MKRN2: variants seen among roughly 807,000 people sequenced by gnomAD.
The protein encoded by MKRN2 is E3 ubiquitin-protein ligase makorin-2.
Under a neutral mutation model 45.4 loss-of-function variants are expected in MKRN2, and 32 were observed. The observed-to-expected ratio is 0.70, with a 90% CI of 0.53 to 0.95. The LOEUF (loss-of-function observed/expected upper bound fraction) is 0.95. Among genes scored for constraint, MKRN2 ranks in the 40% least tolerant of loss-of-function variants. The pLI is 0.00. For missense variants in MKRN2, 526 were observed against 536.7 expected, an observed-to-expected ratio of 0.98 and a Z score of 0.20; for synonymous variants, 206 against 192.4, an observed-to-expected ratio of 1.07 and a Z score of -0.59.
intron 6 of MKRN2, among the ~76,000 whole-genome samples, chr3:12,580,637 TTAG>T (rs2058171438): frequency 6.6e-6 from 1 of 152,162 alleles, no homozygotes; most frequent in South Asian, 2.1e-4. Context: ...TTGTGTATTT[TTAG>T]TAGAGATGGG....
At chr3:12,567,481 CTTTTTTT>C (rs35726193) in intron 1 of MKRN2, among the ~76,000 whole-genome samples, 3 of 76,966 alleles carry the variant, frequency 3.9e-5, no homozygotes, top group Non-Finnish European at 7.2e-5. Context: ...GCTAGTTTAT[CTTTTTTT>C]TTTTTTTTTT....
intron 1 of MKRN2, among the ~76,000 whole-genome samples, chr3:12,560,574 G>A (rs1489571625): frequency 6.6e-6 from 1 of 151,972 alleles, no homozygotes; most frequent in African/African-American, 2.4e-5. Flanking sequence ...AACATTCAAG[G>A]GCCTGTAAGA....
intron 1 of MKRN2, among the ~76,000 whole-genome samples, chr3:12,566,331 G>T (rs892261436): frequency 6.6e-6 from 1 of 152,030 alleles, no homozygotes; most frequent in Non-Finnish European, 1.5e-5. Flanking sequence ...TTTTTCTATT[G>T]TCTGAAAGCA....
At chr3:12,569,929 GTTAGAGT>G in intron 2 of MKRN2, 135 bp from the exon 3 acceptor site, 1 of 728,094 alleles carries the variant, frequency 1.4e-6, no homozygotes, top group East Asian at 2.7e-5. Flanking sequence ...CGATAATCCT[GTTAGAGT>G]TTAAATATTG....
chr3:12,576,400 C>T (rs972699182), intron 5 of MKRN2, among the ~76,000 whole-genome samples: 4 of 152,208 alleles, frequency 2.6e-5, no homozygotes, highest in South Asian at 4.2e-4. Context: ...GCCCCTGCAC[C>T]GACAGGCCCC....
At chr3:12,564,330 C>T (rs1201907179) in intron 1 of MKRN2, among the ~76,000 whole-genome samples, 1 of 152,216 alleles carries the variant, frequency 6.6e-6, no homozygotes. Flanking sequence ...AACTTCCGTA[C>T]TGTTTTTCTA....
intron 5 of MKRN2, among the ~76,000 whole-genome samples, chr3:12,576,411 G>C (rs548169947): frequency 6.6e-6 from 1 of 151,962 alleles, no homozygotes; most frequent in African/African-American, 2.4e-5. Flanking sequence ...GACAGGCCCC[G>C]GTGTGTGATG....
Position 12,574,998 on chromosome 3 carries a change from A to G in MKRN2, c.849A>G (p.Pro283=), listed in dbSNP as rs1188276199. The G allele has an allele frequency of 1.2e-6, 2 of 1,613,666 alleles. No homozygotes were observed. Among genetic ancestry groups the G allele is most frequent in the Middle Eastern group, 1.7e-4 (1 of 6,048 alleles). Residue 283 remains proline, a synonymous_variant, in exon 5 of 8, where the codon CCA becomes CCG. Coordinates refer to ENST00000170447, the MANE Select transcript of MKRN2 (RefSeq NM_014160.5). The part of the protein sequence containing the change: ...QWRCAKQFEN[P]IIKSCPECRV... The stretch of plus-strand genomic sequence containing the variant: ...GGTGTGCCAAACAGTTTGAAAACCC[A>G]ATCATTAAGTAAGTACAGCCAGGGG...
chr3:12,564,371 C>G (rs1019129764), intron 1 of MKRN2, among the ~76,000 whole-genome samples: 2 of 152,200 alleles, frequency 1.3e-5, no homozygotes, highest in Non-Finnish European at 2.9e-5. Context: ...GTTTTATAAT[C>G]TACTCTTCTC....
intron 3 of MKRN2, among the ~76,000 whole-genome samples, chr3:12,570,614 C>T (rs1313908594): frequency 6.6e-6 from 1 of 152,102 alleles, no homozygotes; most frequent in Non-Finnish European, 1.5e-5. Flanking sequence ...AAGTGGCTCA[C>T]ACCTATAACC....
chr3:12,572,084 C>A lies in MKRN2; in HGVS notation c.353C>A (p.Ala118Asp). Residue 118 changes from alanine (A) to aspartate (D), a missense_variant, in exon 4 of 8, where the codon GCT (alanine) becomes GAT (aspartate). Ala to Asp is a moderately radical substitution (Grantham distance 126, BLOSUM62 -2). Transcript: ENST00000170447. ...TTGTTTTCAGATCTCTCTGGCATGG[C>A]TGAAAGGAAGACCCAGCCGAGCATG... ...VLRDRNLSGM[A>D]ERKTQPSMVS... 1 of 1,607,660 alleles carries A rather than the reference C, an allele frequency of 6.2e-7. No homozygotes were observed. Among genetic ancestry groups the A allele is most frequent in the Non-Finnish European group, 8.5e-7 (1 of 1,176,212 alleles).
chr3:12,582,471 T>C lies in MKRN2; in HGVS notation c.*218T>C. On this transcript the variant is annotated 3_prime_UTR_variant, in exon 8 of 8. Coordinates refer to ENST00000170447, the MANE Select transcript of MKRN2 (RefSeq NM_014160.5). ...ATTAAATGTATGGAATTGCTATTTT[T>C]ATAGCTGATATAGTTACACCTCAAG... 1 of 546,814 alleles carries C rather than the reference T, an allele frequency of 1.8e-6. No homozygotes were observed. Among genetic ancestry groups the C allele is most frequent in the Non-Finnish European group, 3.2e-6 (1 of 316,846 alleles). 33.9% of individuals were successfully genotyped at this position (546,814 alleles called of 1,614,324 possible).
chr3:12,581,829 T>C lies in MKRN2; in HGVS notation c.990T>C (p.Phe330=). The C allele has an allele frequency of 6.2e-7, 1 of 1,614,166 alleles. No individual in the cohort carries two copies. Among genetic ancestry groups the C allele is most frequent in the Non-Finnish European group, 8.5e-7 (1 of 1,180,036 alleles). Reference sequence around the variant, plus strand: ...TCAGGAAAAAAGCCTGTAAATACTTTGAGCAAGGCAAGGGGACCTGCCCAT... The same window carrying C: ...TCAGGAAAAAAGCCTGTAAATACTTCGAGCAAGGCAAGGGGACCTGCCCAT... The part of the protein sequence containing the change: ...QGMGKKACKY[F]EQGKGTCPFG... Residue 330 remains phenylalanine (F), a synonymous_variant, in exon 7 of 8, where the codon TTT becomes TTC. Coordinates refer to ENST00000170447, the MANE Select transcript of MKRN2 (RefSeq NM_014160.5).
At chr3:12,560,126 A>G (rs964309619) in intron 1 of MKRN2, among the ~76,000 whole-genome samples, 2 of 152,198 alleles carry the variant, frequency 1.3e-5, no homozygotes, top group African/African-American at 4.8e-5. Context: ...AATAATAGCA[A>G]CAAACCATTT....
At chr3:12,566,823 G>A (rs536544313) in intron 1 of MKRN2, among the ~76,000 whole-genome samples, 83 of 152,172 alleles carry the variant, frequency 5.5e-4, no homozygotes, top group African/African-American at 1.7e-3. Context: ...GGCTGGTTTC[G>A]AACTCCTGAC....
chr3:12,558,511 T>C (rs983417319), intron 1 of MKRN2, among the ~76,000 whole-genome samples: 2 of 152,196 alleles, frequency 1.3e-5, no homozygotes, highest in Non-Finnish European at 2.9e-5. Context: ...GTACCTCATC[T>C]AAGAAGTGTC....
At chr3:12,570,990 T>G (rs556051218) in intron 3 of MKRN2, among the ~76,000 whole-genome samples, 1 of 152,270 alleles carries the variant, frequency 6.6e-6, no homozygotes, top group East Asian at 1.9e-4. Context: ...TGACAGTGTT[T>G]GACAGTTTAG....
Position 12,576,684 on chromosome 3 carries a change from G to C in MKRN2, c.911G>C (p.Trp304Ser). The C allele has an allele frequency of 6.2e-7, 1 of 1,610,606 alleles. No homozygotes were observed. Among genetic ancestry groups the C allele is most frequent in the Non-Finnish European group, 8.5e-7 (1 of 1,177,162 alleles). Residue 304 changes from tryptophan (W) to serine (S), a missense_variant, in exon 6 of 8, where the codon TGG (tryptophan) becomes TCG (serine). By Grantham distance (177) the Trp-to-Ser change is radical. Coordinates refer to ENST00000170447, the MANE Select transcript of MKRN2 (RefSeq NM_014160.5). Reference protein sequence around the residue: ...ISEFVIPSVYWVEDQNKKNEL... With the variant: ...ISEFVIPSVYSVEDQNKKNEL... ...GAGTTTGTAATTCCAAGTGTGTATT[G>C]GGTGGAAGATCAGAATAAAAAGAAC...
intron 6 of MKRN2, among the ~76,000 whole-genome samples, chr3:12,580,526 C>T (rs1210682621): frequency 1.3e-5 from 2 of 148,444 alleles, no homozygotes; most frequent in Non-Finnish European, 3.0e-5. Context: ...AATCTTGGCT[C>T]ACTGCAGCCT....
Sources: gnomAD v4.1 joint callset for allele counts (sites outside exome capture counted in the v4.1 genomes callset) on GRCh38, gnomAD v4.1.1 for gene constraint, MANE v1.5 for transcripts, NCBI Gene and HGNC (gene_info 2026-07-23, HGNC 2026-07-21) for gene names.